The following RPS6KA2 variants were observed in gnomAD, a reference collection of about 807,000 sequenced individuals.
The protein encoded by RPS6KA2 is ribosomal protein S6 kinase A2.
Under a neutral mutation model 91.8 loss-of-function variants are expected in RPS6KA2, and 42 were observed. The ratio of observed to expected loss-of-function variants is 0.46; its 90% CI spans 0.36 to 0.59. The LOEUF is 0.59. Ranked by LOEUF, RPS6KA2 falls within the 20% of genes least tolerant of loss-of-function variation. RPS6KA2 has a pLI of 0.00. For missense variants in RPS6KA2, 798 were observed against 978.5 expected (o/e 0.82, Z 2.46); for synonymous variants, 414 against 393.6 (o/e 1.05, Z -0.61).
rs1282089881 is a variant in RPS6KA2, at chr6:166,612,813, A to G, written c.99+14108T>C. On this transcript the variant is annotated intron_variant, in intron 1 of 20. Coordinates refer to ENST00000265678, the MANE Select transcript of RPS6KA2 (RefSeq NM_021135.6). The surrounding 1 kb of genome is among the most constrained non-coding windows in gnomAD (Gnocchi z 4.3). ...ACTCCACATCAGCCTCTCTCTCTCC[A>G]TGCCCTTGACCTGTCCTCCTCCCTC... is the stretch of plus-strand genomic sequence containing the variant. 1.3e-5 allele frequency among the ~76,000 whole-genome samples: 2 copies of G among 152,014 alleles called. No individual in the cohort carries two copies. The highest frequency in any genetic ancestry group is 2.4e-5 in the African/African-American group (1 of 41,364).
chr6:166,776,906 T>C (rs1778636599), intron 2 of RPS6KA2, among the ~76,000 whole-genome samples: 1 of 152,256 alleles, frequency 6.6e-6, no homozygotes, highest in South Asian at 2.1e-4. Context: ...GTACCTGTTT[T>C]CAACAATCTT....
At position 166,412,622 on chromosome 6, in the gene RPS6KA2, G is replaced by C. The variant is rs1778345762; in HGVS notation, c.*140C>G. On this transcript the variant is annotated 3_prime_UTR_variant, in exon 21 of 21. Coordinates refer to ENST00000265678, the MANE Select transcript of RPS6KA2 (RefSeq NM_021135.6). The surrounding 1 kb of genome is among the most constrained non-coding windows in gnomAD (Gnocchi z 4.3). ...CAGGACCCTCTCCGGGGCTGAAAAA[G>C]AAAACACGGACACGGCGAGGGCGGG... 2.3e-6 allele frequency: 2 copies of C among 862,804 alleles called. No homozygotes were observed. Among genetic ancestry groups the C allele is most frequent in the Admixed American group, 3.0e-5 (1 of 33,008 alleles). 53.4% of individuals were successfully genotyped at this position (862,804 alleles called of 1,614,324 possible). A position where few individuals can be genotyped will look rare whatever the true frequency, so the allele number is the denominator to read the frequency against.
At position 166,829,889 on chromosome 6, in the gene RPS6KA2, C is replaced by T. The variant is rs1443927308; in HGVS notation, c.123+28311G>A. ...CTTTGGGAGGCAGAAGCAGGTGGAT[C>T]ACCTGAGGTCCAGAGTTCAAGACTA... is the stretch of plus-strand genomic sequence containing the variant. On this transcript the variant is annotated intron_variant, in intron 2 of 21. Transcript: ENST00000503859. Among the ~76,000 whole-genome samples the T allele has an allele frequency of 3.9e-5, 6 of 152,118 alleles. No individual in the cohort carries two copies. In the East Asian group the frequency reaches 1.2e-3, roughly 29 times the overall value.
At chr6:166,422,898 G>T (rs1487461479) in intron 17 of RPS6KA2, among the ~76,000 whole-genome samples, 1 of 152,144 alleles carries the variant, frequency 6.6e-6, no homozygotes, top group Admixed American at 6.5e-5. Context: ...TCCCATCCCA[G>T]GTGAACCGCA....
chr6:166,659,602 T>C (rs569522393), intron 2 of RPS6KA2, among the ~76,000 whole-genome samples: 1 of 152,386 alleles, frequency 6.6e-6, no homozygotes, highest in Non-Finnish European at 1.5e-5. Flanking sequence ...TTATCAATCA[T>C]TCCAGGGAGT....
At chr6:166,754,732 A>T (rs1777954528) in intron 2 of RPS6KA2, among the ~76,000 whole-genome samples, 1 of 152,142 alleles carries the variant, frequency 6.6e-6, no homozygotes, top group Non-Finnish European at 1.5e-5. Context: ...AAAGCATCAG[A>T]TGCGGAAAAT....
intron 10 of RPS6KA2, among the ~76,000 whole-genome samples, chr6:166,483,404 A>G (rs1361525637): frequency 1.3e-5 from 2 of 152,168 alleles, no homozygotes; most frequent in Admixed American, 6.5e-5. Flanking sequence ...GCTCTCACAC[A>G]TCCTGCTGCC....
intron 2 of RPS6KA2, 90 bp downstream of exon 2, chr6:166,538,578 A>G: frequency 1.4e-6 from 1 of 728,662 alleles, no homozygotes; most frequent in South Asian, 1.6e-5. Context: ...GCAGGTGAGG[A>G]CCGCCTGCAA....
rs533775467 is a variant in RPS6KA2 at position 166,743,689 on chromosome 6, C to T, written c.123+114511G>A. Reference sequence around the variant, plus strand: ...TAGGACATTTTTATGCCCCTGGCGGCGCCATGCATCCTGCGAGAGGGATTC... The same window carrying T: ...TAGGACATTTTTATGCCCCTGGCGGTGCCATGCATCCTGCGAGAGGGATTC... On this transcript the variant is annotated intron_variant, in intron 2 of 21. Transcript: ENST00000503859. Among the ~76,000 whole-genome samples, 77 of 152,348 alleles carry T rather than the reference C, an allele frequency of 5.1e-4. 1 individual carries two copies. Among genetic ancestry groups the T allele is most frequent in the African/African-American group, 1.5e-3 (61 of 41,572 alleles).
chr6:166,595,706 G>A (rs892446810), intron 1 of RPS6KA2, among the ~76,000 whole-genome samples: 2 of 152,232 alleles, frequency 1.3e-5, no homozygotes, highest in African/African-American at 4.8e-5. Context: ...CCAGTCTAAT[G>A]TTAAATGATC....
At chr6:166,786,000 A>G (rs1467929998) in intron 2 of RPS6KA2, among the ~76,000 whole-genome samples, 1 of 152,244 alleles carries the variant, frequency 6.6e-6, no homozygotes, top group African/African-American at 2.4e-5. Flanking sequence ...CTAAGAAAAA[A>G]GGGGTTCTGA....
chr6:166,507,030 T>G (rs1782251981), intron 5 of RPS6KA2, among the ~76,000 whole-genome samples: 1 of 151,460 alleles, frequency 6.6e-6, no homozygotes, highest in African/African-American at 2.4e-5. Context: ...GCACTGGAGG[T>G]CAAGGAGAAG....
chr6:166,503,385 C>A (rs1301995728), intron 6 of RPS6KA2, among the ~76,000 whole-genome samples: 3 of 152,242 alleles, frequency 2.0e-5, no homozygotes, highest in African/African-American at 7.2e-5. Flanking sequence ...ACAGCTGCAT[C>A]TAACAACACC....
chr6:166,532,215 A>G (rs968961674), intron 2 of RPS6KA2, among the ~76,000 whole-genome samples: 1 of 152,222 alleles, frequency 6.6e-6, no homozygotes, highest in Non-Finnish European at 1.5e-5. Flanking sequence ...TTCTAGTTCC[A>G]TGGAAACTCC....
At chr6:166,499,061 CG>C (rs150579659) in intron 7 of RPS6KA2, among the ~76,000 whole-genome samples, 5 of 152,252 alleles carry the variant, frequency 3.3e-5, no homozygotes, top group Non-Finnish European at 5.9e-5. Flanking sequence ...CTCTGGCTGC[CG>C]GGGAGCCAAG....
At chr6:166,680,862 G>A (rs1403338350) in intron 2 of RPS6KA2, among the ~76,000 whole-genome samples, 1 of 152,204 alleles carries the variant, frequency 6.6e-6, no homozygotes, top group African/African-American at 2.4e-5. Flanking sequence ...GAGACTTGCT[G>A]AGGCCAGAGG....
At chr6:166,413,204 C>T (rs893609674) in intron 20 of RPS6KA2, among the ~76,000 whole-genome samples, 4 of 151,542 alleles carry the variant, frequency 2.6e-5, no homozygotes, top group African/African-American at 9.8e-5. Context: ...CCCCTGCATT[C>T]TGACAGTGAG....
At chr6:166,789,216 A>C (rs1352970392) in intron 2 of RPS6KA2, among the ~76,000 whole-genome samples, 1 of 152,214 alleles carries the variant, frequency 6.6e-6, no homozygotes, top group Non-Finnish European at 1.5e-5. Flanking sequence ...ATTATATCCC[A>C]CACCTGGCTC....
At chr6:166,569,748 G>A (rs1204867251) in intron 1 of RPS6KA2, among the ~76,000 whole-genome samples, 2 of 152,160 alleles carry the variant, frequency 1.3e-5, no homozygotes, top group South Asian at 2.1e-4. Flanking sequence ...GGTGATTCGG[G>A]ACAGCAAGGA....
Sources: allele counts gnomAD v4.1 joint callset (sites outside exome capture counted in the v4.1 genomes callset), GRCh38; gene constraint gnomAD v4.1.1; non-coding constraint Gnocchi (gnomAD v3.1); transcripts MANE v1.5; gene names NCBI Gene and HGNC (gene_info 2026-07-23, HGNC 2026-07-21).